The following DAB2 variants were observed in gnomAD, a reference collection of about 807,000 sequenced individuals.
DAB2 encodes DAB adaptor protein 2.
In DAB2, 28 loss-of-function variants were observed where a neutral mutation model predicts 71.6. That is an observed-to-expected ratio of 0.39 (90% CI 0.29 to 0.54). The LOEUF (loss-of-function observed/expected upper bound fraction) is 0.54. Ranked by LOEUF, DAB2 falls within the 20% of genes least tolerant of loss-of-function variation. DAB2 has a pLI of 0.68. For missense variants in DAB2, 867 were observed against 928.8 expected (o/e 0.93, Z 0.86); for synonymous variants, 345 against 339.7 (o/e 1.02, Z -0.17).
intron 1 of DAB2, among the ~76,000 whole-genome samples, chr5:39,395,152 C>A (rs1024419341): frequency 2.6e-5 from 4 of 152,150 alleles, no homozygotes; most frequent in Non-Finnish European, 5.9e-5. Flanking sequence ...GTAGGAGAAA[C>A]AGGAAAATGC....
chr5:39,374,970 T>TCA (rs775523805), intron 14 of DAB2, 44 bp downstream of exon 14: 1 of 1,253,610 alleles, frequency 8.0e-7, no homozygotes, highest in Non-Finnish European at 1.2e-6. Flanking sequence ...TCACCCTTTC[T>TCA]CACAAAAACC....
chr5:39,408,438 T>C (rs1281528876), intron 1 of DAB2: 1 of 152,170 alleles, frequency 6.6e-6, no homozygotes, highest in Non-Finnish European at 1.5e-5. Context: ...CATTTCCACA[T>C]CTGATATGAT....
At position 39,383,131 on chromosome 5, in the gene DAB2, A is replaced by G. The variant is rs752017125; in HGVS notation, c.828T>C (p.Pro276=). 3.7e-6 allele frequency: 6 copies of G among 1,614,088 alleles called. No individual in the cohort carries two copies. In the African/African-American group the frequency reaches 6.7e-5, roughly 18 times the overall value. ...PRPTPQASFL[P]ENAFSANLNF... ...TGAGATTGGCAGAAAAGGCATTTTC[A>G]GGCAAGAAGGATGCCTGAGGCGTTG... Residue 276 remains proline, a synonymous_variant, in exon 10 of 15, where the codon CCT becomes CCC. Coordinates refer to ENST00000320816, the MANE Select transcript of DAB2 (RefSeq NM_001343.4).
At chr5:39,386,488 C>T (rs895511793) in intron 9 of DAB2, among the ~76,000 whole-genome samples, 9 of 152,206 alleles carry the variant, frequency 5.9e-5, no homozygotes, top group Admixed American at 6.5e-5. Context: ...CAAAGCCTAA[C>T]CAGCACATAA....
chr5:39,379,203 C>T (rs1754898188), intron 11 of DAB2, among the ~76,000 whole-genome samples: 1 of 151,982 alleles, frequency 6.6e-6, no homozygotes. Flanking sequence ...CCTGTAATCC[C>T]AGCACTTTGG....
chr5:39,395,937 C>CTT lies in DAB2; in HGVS notation c.-101-1518_-101-1517dup, dbSNP rs3024228. On this transcript the variant is annotated intron_variant, in intron 1 of 14. Coordinates refer to ENST00000320816, the MANE Select transcript of DAB2 (RefSeq NM_001343.4). The stretch of plus-strand genomic sequence containing the variant: ...GAGGGAAGGCTAAGACACAGATATT[C>CTT]TTTTTTTTTTTTTTTTTTTTTTTGA... Among the ~76,000 whole-genome samples the CTT allele has an allele frequency of 7.5e-4, 56 of 74,850 alleles. 4 individuals carry two copies. Among genetic ancestry groups the CTT allele is most frequent in the East Asian group, 3.8e-3 (9 of 2,380 alleles). The allele number at this position is 74,850 out of a possible 152,430, so 49.1% of individuals were successfully genotyped here.
At chr5:39,374,814 G>T in intron 14 of DAB2, 200 bp downstream of exon 14, 4 of 523,750 alleles carry the variant, frequency 7.6e-6, no homozygotes, top group South Asian at 2.6e-5. Flanking sequence ...ACTATTTTTT[G>T]ATGTGTTTAG....
chr5:39,382,883 G>T lies in DAB2; in HGVS notation c.1076C>A (p.Ala359Asp), dbSNP rs775936778. The T allele has an allele frequency of 6.2e-7, 1 of 1,614,018 alleles. No homozygotes were observed. Among genetic ancestry groups the T allele is most frequent in the Admixed American group, 1.7e-5 (1 of 59,988 alleles). Reference protein sequence around the residue: ...QISNRTGKQEAQAGPWPFSSS... With the variant: ...QISNRTGKQEDQAGPWPFSSS... ...TGAAAAGGGCCATGGGCCTGCCTGAGCTTCCTGTTTGCCAGTCCGGTTAGA... is the reference window on the plus strand; with the variant it reads ...TGAAAAGGGCCATGGGCCTGCCTGATCTTCCTGTTTGCCAGTCCGGTTAGA... The change falls in exon 10 of 15, where the codon GCT (alanine) becomes GAT (aspartate). Residue 359 changes from alanine to aspartate, a missense_variant. By Grantham distance (126) the Ala-to-Asp change is moderately radical (BLOSUM62 -2). Coordinates refer to ENST00000320816, the MANE Select transcript of DAB2 (RefSeq NM_001343.4).
chr5:39,376,864 G>A lies in DAB2; in HGVS notation c.1923C>T (p.Asp641=). 6.2e-7 allele frequency: 1 copy of A among 1,614,134 alleles called. No individual in the cohort carries two copies. Among genetic ancestry groups the A allele is most frequent in the Non-Finnish European group, 8.5e-7 (1 of 1,180,012 alleles). ...CCTTGATCTCTTTATCCCCAAGTGG[G>A]TCTAAGGCAGTGAAGGCATCACTGG... ...DISSDAFTAL[D]PLGDKEIKDV... The change falls in exon 12 of 15, where the codon GAC becomes GAT. Residue 641 remains aspartate (D), a synonymous_variant. Transcript: ENST00000320816.
intron 1 of DAB2, among the ~76,000 whole-genome samples, chr5:39,419,733 CT>C (rs1468453393): frequency 6.6e-6 from 1 of 152,124 alleles, no homozygotes; most frequent in Non-Finnish European, 1.5e-5. Flanking sequence ...ATTAATTATA[CT>C]CTTTAAAAAC....
At chr5:39,392,737 TG>T (rs2112060468) in intron 3 of DAB2, among the ~76,000 whole-genome samples, 1 of 152,352 alleles carries the variant, frequency 6.6e-6, no homozygotes, top group African/African-American at 2.4e-5. Context: ...TCTTTAGAGA[TG>T]TTTCTTCTAG....
At chr5:39,398,406 T>C (rs1755421759) in intron 1 of DAB2, among the ~76,000 whole-genome samples, 1 of 152,206 alleles carries the variant, frequency 6.6e-6, no homozygotes, top group South Asian at 2.1e-4. Context: ...CAGCTTTTCA[T>C]AGCATTGGAA....
chr5:39,395,079 A>G (rs956000221), intron 1 of DAB2, among the ~76,000 whole-genome samples: 1 of 152,140 alleles, frequency 6.6e-6, no homozygotes, highest in African/African-American at 2.4e-5. Context: ...ATTCAGCATC[A>G]CCATACTCCA....
chr5:39,374,200 T>G (rs1308962377), intron 14 of DAB2, among the ~76,000 whole-genome samples: 1 of 151,952 alleles, frequency 6.6e-6, no homozygotes, highest in Non-Finnish European at 1.5e-5. Context: ...AAAAATGGGC[T>G]TGGTTTTTGT....
intron 1 of DAB2, among the ~76,000 whole-genome samples, chr5:39,403,355 C>A (rs920172566): frequency 6.6e-6 from 1 of 152,004 alleles, no homozygotes; most frequent in Non-Finnish European, 1.5e-5. Flanking sequence ...TTTTTAAAAA[C>A]CATTTTTTAA....
At chr5:39,397,545 A>G (rs1388123516) in intron 1 of DAB2, among the ~76,000 whole-genome samples, 3 of 152,170 alleles carry the variant, frequency 2.0e-5, no homozygotes, top group Non-Finnish European at 4.4e-5. Context: ...CCATACAACC[A>G]TGAACAAGCC....
intron 1 of DAB2, among the ~76,000 whole-genome samples, chr5:39,405,720 T>C (rs956213503): frequency 6.6e-6 from 1 of 152,234 alleles, no homozygotes; most frequent in Admixed American, 6.5e-5. Flanking sequence ...TCTTTCCTTA[T>C]ATGGTATGTC....
intron 10 of DAB2, 142 bp from the exon 11 acceptor site, chr5:39,381,758 A>G: frequency 2.6e-6 from 2 of 773,720 alleles, no homozygotes; most frequent in Non-Finnish European, 4.1e-6. Context: ...AACAACAACT[A>G]CTACTACAGA....
chr5:39,410,098 C>T (rs1755688074), intron 1 of DAB2, among the ~76,000 whole-genome samples: 1 of 152,050 alleles, frequency 6.6e-6, no homozygotes, highest in African/African-American at 2.4e-5. Flanking sequence ...CTATTTTAGT[C>T]ATCTCTAATT....
Sources: gnomAD v4.1 joint callset for allele counts (sites outside exome capture counted in the v4.1 genomes callset) on GRCh38, gnomAD v4.1.1 for gene constraint, MANE v1.5 for transcripts, NCBI Gene and HGNC (gene_info 2026-07-23, HGNC 2026-07-21) for gene names.